RERE: variants seen among roughly 807,000 people sequenced by gnomAD.
RERE encodes the protein arginine-glutamic acid dipeptide repeats protein.
Under a neutral mutation model 146.1 loss-of-function variants are expected in RERE, and 40 were observed. The observed-to-expected ratio is 0.27, with a 90% CI of 0.21 to 0.36. The LOEUF is 0.36. Among genes scored for constraint, RERE ranks in the 10% least tolerant of loss-of-function variants. The pLI is 1.00. For missense variants in RERE, 1,933 were observed against 2,138.7 expected (o/e 0.90, Z 1.90); for synonymous variants, 1,003 against 866.0 (o/e 1.16, Z -2.78).
At position 8,702,358 on chromosome 1, in the gene RERE, G is replaced by C. The variant is rs368112659; in HGVS notation, c.-144-45917C>G. Among the ~76,000 whole-genome samples the C allele has an allele frequency of 1.7e-4, 26 of 152,334 alleles. No individual in the cohort carries two copies. In the East Asian group the frequency reaches 2.5e-3, roughly 15 times the overall value. On this transcript the variant is annotated intron_variant, in intron 1 of 22. Transcript: ENST00000400908. ...TAAAACAAAGTAACCTATTACAGGA[G>C]TTTCCTTCTCAGCAAACAAAAAGTG...
chr1:8,402,153 C>T (rs917854631), intron 12 of RERE, among the ~76,000 whole-genome samples: 3 of 152,168 alleles, frequency 2.0e-5, no homozygotes, highest in African/African-American at 4.8e-5. Flanking sequence ...AGGAGTGAGC[C>T]GCTGCGCCCG....
At chr1:8,683,244 A>C (rs1639013710) in intron 1 of RERE, among the ~76,000 whole-genome samples, 1 of 152,116 alleles carries the variant, frequency 6.6e-6, no homozygotes, top group South Asian at 2.1e-4. Flanking sequence ...GAATCCTACA[A>C]GTCTATACCA....
intron 1 of RERE, among the ~76,000 whole-genome samples, chr1:8,674,894 T>C (rs1638799727): frequency 6.6e-6 from 1 of 152,092 alleles, no homozygotes; most frequent in Non-Finnish European, 1.5e-5. Context: ...AAAAAGGCAA[T>C]ATACACTACC....
chr1:8,812,206 T>TA (rs1641824780), intron 1 of RERE, among the ~76,000 whole-genome samples: 1 of 152,188 alleles, frequency 6.6e-6, no homozygotes, highest in Non-Finnish European at 1.5e-5. Context: ...CTGATGCAAA[T>TA]ACCCAAGACA....
At chr1:8,571,959 T>C (rs947145428) in intron 4 of RERE, among the ~76,000 whole-genome samples, 1 of 152,168 alleles carries the variant, frequency 6.6e-6, no homozygotes, top group African/African-American at 2.4e-5. Flanking sequence ...AATAGGGTAA[T>C]TTTTGTCAAA....
chr1:8,760,404 G>C (rs1640731949), intron 1 of RERE, among the ~76,000 whole-genome samples: 1 of 152,182 alleles, frequency 6.6e-6, no homozygotes, highest in African/African-American at 2.4e-5. Context: ...GTCAGCCTTA[G>C]ATAAGATGCC....
intron 1 of RERE, among the ~76,000 whole-genome samples, chr1:8,803,574 A>C (rs1205959574): frequency 6.6e-6 from 1 of 152,120 alleles, no homozygotes; most frequent in Non-Finnish European, 1.5e-5. Flanking sequence ...TTGAAGGGGA[A>C]GGTTGGTCTG....
chr1:8,396,359 T>C lies in RERE; in HGVS notation c.1284+26368A>G, dbSNP rs115843703. Among the ~76,000 whole-genome samples, 549 of 152,312 alleles carry C rather than the reference T, an allele frequency of 3.6e-3. 1 individual carries two copies. Among genetic ancestry groups the C allele is most frequent in the Admixed American group, 7.6e-3 (117 of 15,298 alleles). ...AATGTGAAGTACATGAAAACTCACA[T>C]ACAAAGTACCTGCCCTCCTGGAACC... On this transcript the variant is annotated intron_variant, in intron 12 of 22. Coordinates refer to ENST00000400908, the MANE Select transcript of RERE (RefSeq NM_001042681.2).
chr1:8,484,989 C>T (rs1160091140), intron 10 of RERE, among the ~76,000 whole-genome samples: 1 of 152,118 alleles, frequency 6.6e-6, no homozygotes, highest in Non-Finnish European at 1.5e-5. Flanking sequence ...CACTATTGGA[C>T]CAAAAGTAGC....
chr1:8,675,495 CAAAAA>C (rs56912804), intron 1 of RERE, among the ~76,000 whole-genome samples: 38 of 90,222 alleles, frequency 4.2e-4, no homozygotes, highest in Non-Finnish European at 6.3e-4. Context: ...CCCATCTCTA[CAAAAA>C]AAAAAAAAAA....
rs1641508204 is a variant in RERE at position 8,360,318 on chromosome 1, G to A, written c.3189C>T (p.Gly1063=). 3.3e-6 allele frequency: 5 copies of A among 1,528,956 alleles called. No individual in the cohort carries two copies. The highest frequency in any genetic ancestry group is 4.4e-6 in the Non-Finnish European group (5 of 1,136,546). 94.7% of individuals were successfully genotyped at this position (1,528,956 alleles called of 1,614,324 possible). Residue 1063 remains glycine (G), a synonymous_variant, in exon 18 of 23, where the codon GGC becomes GGT. Transcript: ENST00000400908. ...PSTSTPPAGP[G]TSAQPPCSGA... is the part of the protein sequence containing the mutation. ...CAGAGCAGGGTGGCTGGGCCGAGGT[G>A]CCAGGTCCCGCCGGTGGGGTAGAGG... is the stretch of plus-strand genomic sequence containing the variant.
At chr1:8,806,820 T>C (rs2124600292) in intron 1 of RERE, 1 of 152,278 alleles carries the variant, frequency 6.6e-6, no homozygotes, top group Non-Finnish European at 1.5e-5. Context: ...TATTCTTGCT[T>C]CAGGCTACAA....
chr1:8,696,606 ACT>A (rs1639335878), intron 1 of RERE, among the ~76,000 whole-genome samples: 1 of 150,250 alleles, frequency 6.7e-6, no homozygotes, highest in Admixed American at 6.6e-5. Flanking sequence ...AGAGTGAGAC[ACT>A]CTCACAAATA....
intron 1 of RERE, among the ~76,000 whole-genome samples, chr1:8,672,481 C>A (rs539845372): frequency 6.6e-6 from 1 of 152,330 alleles, no homozygotes; most frequent in South Asian, 2.1e-4. Context: ...GCCTGGAAAT[C>A]TAATTTAAAG....
chr1:8,399,047 C>T (rs947244886), intron 12 of RERE, among the ~76,000 whole-genome samples: 2 of 151,942 alleles, frequency 1.3e-5, no homozygotes, highest in African/African-American at 4.8e-5. Flanking sequence ...GCTAAAACTA[C>T]CTGTTCTCAT....
chr1:8,383,879 T>C (rs1642542848), intron 12 of RERE, among the ~76,000 whole-genome samples: 1 of 151,632 alleles, frequency 6.6e-6, no homozygotes, highest in East Asian at 1.9e-4. Context: ...TAAAATAAAA[T>C]AAAATAAAAT....
chr1:8,737,067 G>C (rs951437838), intron 1 of RERE, among the ~76,000 whole-genome samples: 1 of 152,156 alleles, frequency 6.6e-6, no homozygotes, highest in African/African-American at 2.4e-5. Context: ...GAGAATTTCT[G>C]GATTAGAGTG....
intron 6 of RERE, among the ~76,000 whole-genome samples, chr1:8,543,026 A>C (rs1645817651): frequency 6.6e-6 from 1 of 152,202 alleles, no homozygotes; most frequent in Non-Finnish European, 1.5e-5. Context: ...TGTAAATCTA[A>C]ATAGCTACGT....
intron 12 of RERE, among the ~76,000 whole-genome samples, chr1:8,407,683 G>A (rs1017638230): frequency 1.3e-5 from 2 of 152,160 alleles, no homozygotes; most frequent in East Asian, 1.9e-4. Context: ...GGCAGCCCCC[G>A]TAGACTTATG....
Sources: gnomAD v4.1 joint callset for allele counts (sites outside exome capture counted in the v4.1 genomes callset) on GRCh38, gnomAD v4.1.1 for gene constraint, MANE v1.5 for transcripts, NCBI Gene and HGNC (gene_info 2026-07-23, HGNC 2026-07-21) for gene names.